Variants in FHIT observed in about 807,000 individuals in gnomAD.
FHIT encodes the protein bis(5'-adenosyl)-triphosphatase.
Under a neutral mutation model 17.9 loss-of-function variants are expected in FHIT, and 19 were observed. That is an observed-to-expected ratio of 1.06 (90% CI 0.74 to 1.56). FHIT has a LOEUF of 1.56. FHIT is among the 40% of genes most tolerant of loss of function. The pLI, the probability that FHIT is intolerant of heterozygous loss-of-function variation, is 0.00. For synonymous variants in FHIT, 81 were observed against 69.7 expected (o/e 1.16, Z -0.81); for missense variants, 248 against 189.2 (o/e 1.31, Z -1.82).
chr3:59,905,165 T>C (rs568171081), intron 8 of FHIT, among the ~76,000 whole-genome samples: 18 of 152,232 alleles, frequency 1.2e-4, no homozygotes. Context: ...TTTGGAAACC[T>C]TGGTGAAGCC....
At chr3:60,099,963 T>C (rs560677747) in intron 5 of FHIT, among the ~76,000 whole-genome samples, 1 of 152,148 alleles carries the variant, frequency 6.6e-6, no homozygotes, top group Non-Finnish European at 1.5e-5. Context: ...CGTAAATGGT[T>C]GTGGTGTGTG....
intron 5 of FHIT, among the ~76,000 whole-genome samples, chr3:60,192,024 G>A (rs899610345): frequency 3.3e-5 from 5 of 151,982 alleles, no homozygotes; most frequent in Admixed American, 3.3e-4. Context: ...ACTGAGGCGG[G>A]TGGATTACTT....
intron 7 of FHIT, among the ~76,000 whole-genome samples, chr3:59,955,730 G>A (rs62240083): frequency 0.087 from 13,303 of 152,134 alleles, 821 homozygotes; most frequent in South Asian, 0.15. Context: ...GTCATTCACA[G>A]CACCTCCTCT....
intron 4 of FHIT, among the ~76,000 whole-genome samples, chr3:60,651,002 G>C (rs1352781984): frequency 2.6e-5 from 4 of 151,740 alleles, no homozygotes; most frequent in African/African-American, 7.3e-5. Flanking sequence ...GTTTTGTTTT[G>C]TTTTTTACCT....
intron 8 of FHIT, among the ~76,000 whole-genome samples, chr3:59,894,234 G>C (rs1703971542): frequency 6.6e-6 from 1 of 152,140 alleles, no homozygotes; most frequent in African/African-American, 2.4e-5. Flanking sequence ...AACAAAGTGA[G>C]ACCCTTTCTC....
intron 5 of FHIT, among the ~76,000 whole-genome samples, chr3:60,488,132 T>C (rs2033917284): frequency 6.6e-6 from 1 of 152,136 alleles, no homozygotes; most frequent in Non-Finnish European, 1.5e-5. Context: ...GGTCTTACGA[T>C]TTAAATATAA....
chr3:61,120,545 A>G (rs1394821213), intron 2 of FHIT, among the ~76,000 whole-genome samples: 1 of 152,140 alleles, frequency 6.6e-6, no homozygotes, highest in Non-Finnish European at 1.5e-5. Context: ...AGCTAACCCT[A>G]CCTAAAGTGT....
chr3:60,091,215 G>GCT (rs1275325082), intron 5 of FHIT, among the ~76,000 whole-genome samples: 1 of 152,164 alleles, frequency 6.6e-6, no homozygotes, highest in Non-Finnish European at 1.5e-5. Context: ...ATTCTTAAGA[G>GCT]CTCACTCTTT....
Position 60,384,936 on chromosome 3 carries a change from C to A in FHIT, c.103+151924G>T, listed in dbSNP as rs530684738. Reference sequence around the variant, plus strand: ...TGCCTTCCCTTTCTTTCGCTCTATACAGTTTTAAAATATGTTCATTTTGTT... The same window carrying A: ...TGCCTTCCCTTTCTTTCGCTCTATAAAGTTTTAAAATATGTTCATTTTGTT... On this transcript the variant is annotated intron_variant, in intron 5 of 9. Transcript: ENST00000492590. Among the ~76,000 whole-genome samples, 4 of 151,870 alleles carry A rather than the reference C, an allele frequency of 2.6e-5. No individual in the cohort carries two copies. The South Asian group carries it at 8.3e-4, about 32-fold the overall frequency.
chr3:61,239,358 C>G (rs1560103951), intron 1 of FHIT, among the ~76,000 whole-genome samples: 1 of 152,112 alleles, frequency 6.6e-6, no homozygotes, highest in Non-Finnish European at 1.5e-5. Flanking sequence ...TCTTTTCTCC[C>G]TTTGATGGTG....
At chr3:61,044,609 T>C (rs1193316371) in intron 2 of FHIT, among the ~76,000 whole-genome samples, 4 of 151,808 alleles carry the variant, frequency 2.6e-5, no homozygotes, top group Non-Finnish European at 4.4e-5. Context: ...CAGGCCAAAA[T>C]TCAAATTCAG....
intron 8 of FHIT, among the ~76,000 whole-genome samples, chr3:59,831,021 G>C (rs188010978): frequency 6.6e-6 from 1 of 152,238 alleles, no homozygotes; most frequent in African/African-American, 2.4e-5. Flanking sequence ...CTGTGTTATT[G>C]CAAGAAGCAT....
At chr3:60,189,170 T>G (rs567407190) in intron 5 of FHIT, among the ~76,000 whole-genome samples, 1 of 152,036 alleles carries the variant, frequency 6.6e-6, no homozygotes, top group South Asian at 2.1e-4. Context: ...TCTGACCTTT[T>G]TTCTCTGACA....
intron 5 of FHIT, among the ~76,000 whole-genome samples, chr3:60,280,196 A>C (rs35289739): frequency 0.13 from 20,072 of 152,076 alleles, 1,806 homozygotes; most frequent in Non-Finnish European, 0.18. Context: ...AACTCTCAGC[A>C]AACTAGGAAT....
intron 5 of FHIT, among the ~76,000 whole-genome samples, chr3:60,361,894 C>A (rs1389936698): frequency 1.3e-5 from 2 of 152,052 alleles, no homozygotes; most frequent in Non-Finnish European, 2.9e-5. Context: ...AAGTCAAATC[C>A]AGAAGTCTGT....
chr3:60,924,329 T>C (rs1707459964), intron 3 of FHIT, among the ~76,000 whole-genome samples: 1 of 152,090 alleles, frequency 6.6e-6, no homozygotes, highest in Non-Finnish European at 1.5e-5. Flanking sequence ...GACTGACACC[T>C]CACACGGCCG....
chr3:59,817,494 G>A (rs1329547762), intron 8 of FHIT, among the ~76,000 whole-genome samples: 10 of 150,376 alleles, frequency 6.7e-5, no homozygotes, highest in Non-Finnish European at 1.2e-4. Context: ...CCGGGAGGTC[G>A]GGGCTGCATA....
In FHIT at chr3:59,932,483, G is replaced by A. The variant is rs551863739; in HGVS notation, c.280-10069C>T. Reference sequence around the variant, plus strand: ...GGAGAAAGAGGGGAATGGCATATGGGCTTCTCATCCAGACTAGGAAAGGGA... The same window carrying A: ...GGAGAAAGAGGGGAATGGCATATGGACTTCTCATCCAGACTAGGAAAGGGA... On this transcript the variant is annotated intron_variant, in intron 7 of 9. Coordinates refer to ENST00000492590, the MANE Select transcript of FHIT (RefSeq NM_002012.4). Among the ~76,000 whole-genome samples the A allele has an allele frequency of 3.3e-5, 5 of 152,242 alleles. No homozygotes were observed. The South Asian group carries it at 8.3e-4, about 25-fold the overall frequency.
intron 3 of FHIT, among the ~76,000 whole-genome samples, chr3:61,034,959 C>A: frequency 6.6e-6 from 1 of 152,106 alleles, no homozygotes; most frequent in East Asian, 1.9e-4. Context: ...TATTATTCAG[C>A]CCTAAGAAAG....
Sources: allele counts gnomAD v4.1 joint callset (sites outside exome capture counted in the v4.1 genomes callset), GRCh38; gene constraint gnomAD v4.1.1; transcripts MANE v1.5; gene names NCBI Gene and HGNC (gene_info 2026-07-23, HGNC 2026-07-21).